Variants in SUFU observed in about 807,000 individuals in gnomAD.
SUFU encodes suppressor of fused homolog.
A neutral mutation model predicts 58.9 loss-of-function variants in SUFU; 7 were observed. The ratio of observed to expected loss-of-function variants is 0.12; its 90% CI spans 0.07 to 0.22. The LOEUF is 0.22. Among genes scored for constraint, SUFU ranks in the 10% least tolerant of loss-of-function variants. The pLI is 1.00. For synonymous variants in SUFU, 232 were observed against 254.8 expected (o/e 0.91, Z 0.85); for missense variants, 451 against 641.3 (o/e 0.70, Z 3.20).
chr10:102,515,268 A>C (rs2062453167), intron 2 of SUFU, among the ~76,000 whole-genome samples: 1 of 151,128 alleles, frequency 6.6e-6, no homozygotes, highest in South Asian at 2.1e-4. Flanking sequence ...CGTCTCCTGC[A>C]GTTGAGAAAT....
intron 8 of SUFU, among the ~76,000 whole-genome samples, chr10:102,605,148 A>G (rs1590072620): frequency 6.6e-6 from 1 of 151,088 alleles, no homozygotes; most frequent in African/African-American, 2.4e-5. Flanking sequence ...CGAACTCCTG[A>G]CCTTATGATC....
intron 10 of SUFU, among the ~76,000 whole-genome samples, chr10:102,622,663 C>G (rs926464336): frequency 6.6e-6 from 1 of 151,050 alleles, no homozygotes; most frequent in Non-Finnish European, 1.5e-5. Context: ...AGACAAAACT[C>G]CAGCCCCTGG....
intron 2 of SUFU, among the ~76,000 whole-genome samples, chr10:102,538,894 G>C (rs1395238532): frequency 6.6e-6 from 1 of 152,260 alleles, no homozygotes; most frequent in African/African-American, 2.4e-5. Context: ...GGGTGGCAGA[G>C]CTAGGATTTG....
intron 10 of SUFU, among the ~76,000 whole-genome samples, chr10:102,620,489 G>A (rs759049438): frequency 1.3e-5 from 2 of 152,236 alleles, no homozygotes; most frequent in East Asian, 1.9e-4. Context: ...ACCAGGTGGA[G>A]CACAGTGGAC....
rs145120949 is a variant in SUFU at position 102,584,830 on chromosome 10, T to A, written c.455-7752T>A. On this transcript the variant is annotated intron_variant, in intron 3 of 11. Transcript: ENST00000369902. ...GATATGGCAAACATGCTGATGGGTGTTGTGGATGAGCCCAAAGTTTGGAAA... is the reference window on the plus strand; with the variant it reads ...GATATGGCAAACATGCTGATGGGTGATGTGGATGAGCCCAAAGTTTGGAAA... Among the ~76,000 whole-genome samples the A allele has an allele frequency of 3.1e-3, 469 of 152,316 alleles. 4 individuals are homozygous for A. The highest frequency in any genetic ancestry group is 0.011 in the African/African-American group (451 of 41,562).
intron 10 of SUFU, chr10:102,618,671 C>T (rs1370582171): frequency 3.7e-6 from 1 of 271,796 alleles, no homozygotes; most frequent in Admixed American, 5.0e-5. Context: ...CACTTGGTAA[C>T]ATTAGATTTC....
chr10:102,517,022 C>T (rs2062479006), intron 2 of SUFU, among the ~76,000 whole-genome samples: 1 of 150,836 alleles, frequency 6.6e-6, no homozygotes, highest in African/African-American at 2.4e-5. Context: ...ACTGGGGAGG[C>T]TGAGACAGGA....
At chr10:102,531,891 C>T (rs1275693839) in intron 2 of SUFU, among the ~76,000 whole-genome samples, 2 of 151,778 alleles carry the variant, frequency 1.3e-5, no homozygotes, top group Admixed American at 1.3e-4. Context: ...GGCATAGCAC[C>T]TCGGGCAATC....
chr10:102,561,031 C>T (rs151269910), intron 3 of SUFU, among the ~76,000 whole-genome samples: 7,813 of 152,044 alleles, frequency 0.051, 281 homozygotes, highest in East Asian at 0.098. Flanking sequence ...TTAGTAGAGA[C>T]GGGGTTTCAC....
chr10:102,538,640 C>T (rs182138298), intron 2 of SUFU, among the ~76,000 whole-genome samples: 109 of 152,138 alleles, frequency 7.2e-4, no homozygotes, highest in Admixed American at 1.2e-3. Flanking sequence ...TGCACACACA[C>T]ACATGTATGC....
chr10:102,555,034 C>T (rs527327423), intron 3 of SUFU, among the ~76,000 whole-genome samples: 5 of 152,064 alleles, frequency 3.3e-5, no homozygotes, highest in Admixed American at 2.0e-4. Flanking sequence ...TCTGGGAGGC[C>T]GAGGCGGGCG....
Position 102,617,254 on chromosome 10 carries a change from C to G in SUFU, c.1158-36C>G. ...TGCTGTGCTTGGAACTGTTTCCAAG[C>G]CCAGCTCCTCACTGTCTCCATGTTC... On this transcript the variant is annotated intron_variant, in intron 9 of 11. Transcript: ENST00000369902. The surrounding 1 kb of genome is among the most constrained non-coding windows in gnomAD (Gnocchi z 4.4). 1 of 1,614,120 alleles carries G rather than the reference C, an allele frequency of 6.2e-7. No individual in the cohort carries two copies. Among genetic ancestry groups the G allele is most frequent in the Non-Finnish European group, 8.5e-7 (1 of 1,180,032 alleles).
chr10:102,506,797 C>T (rs912658939), intron 1 of SUFU, among the ~76,000 whole-genome samples: 1 of 152,222 alleles, frequency 6.6e-6, no homozygotes, highest in African/African-American at 2.4e-5. Flanking sequence ...CTGACCCAGG[C>T]TGTCTGGGTC....
chr10:102,551,015 T>C (rs2062908736), intron 3 of SUFU, among the ~76,000 whole-genome samples: 1 of 152,110 alleles, frequency 6.6e-6, no homozygotes, highest in South Asian at 2.1e-4. Flanking sequence ...AGTGCTGGGA[T>C]TGTAGGCATG....
intron 2 of SUFU, among the ~76,000 whole-genome samples, chr10:102,542,430 CTA>C (rs201306136): frequency 0.28 from 38,033 of 137,236 alleles, 5,119 homozygotes; most frequent in Admixed American, 0.33. Context: ...TGCGCCCGGC[CTA>C]TATATATATA....
At chr10:102,566,407 A>G (rs761491356) in intron 3 of SUFU, among the ~76,000 whole-genome samples, 6 of 152,112 alleles carry the variant, frequency 3.9e-5, no homozygotes, top group Non-Finnish European at 7.4e-5. Context: ...AGATGGGTGG[A>G]TCACCTGAGG....
intron 3 of SUFU, among the ~76,000 whole-genome samples, chr10:102,553,984 T>C (rs2062947463): frequency 2.6e-5 from 4 of 152,146 alleles, no homozygotes; most frequent in Admixed American, 6.6e-5. Flanking sequence ...TCCCAGCTAC[T>C]CAGGAGGCTG....
intron 2 of SUFU, 60 bp from the exon 3 acceptor site, chr10:102,549,910 C>T: frequency 1.2e-6 from 2 of 1,608,590 alleles, no homozygotes; most frequent in Non-Finnish European, 1.7e-6. Flanking sequence ...TTTAGACTTT[C>T]AAGAGAGTGT....
chr10:102,621,762 C>A (rs2063741991), intron 10 of SUFU, among the ~76,000 whole-genome samples: 1 of 152,218 alleles, frequency 6.6e-6, no homozygotes, highest in South Asian at 2.1e-4. Flanking sequence ...GAAGCAAGTA[C>A]AACGTGTCAA....
Sources: allele counts gnomAD v4.1 joint callset (sites outside exome capture counted in the v4.1 genomes callset), GRCh38; gene constraint gnomAD v4.1.1; non-coding constraint Gnocchi (gnomAD v3.1); transcripts MANE v1.5; gene names NCBI Gene and HGNC (gene_info 2026-07-23, HGNC 2026-07-21).